PALM2AKAP2: variants seen among roughly 807,000 people sequenced by gnomAD.
PALM2AKAP2 encodes the protein PALM2 and AKAP2 fusion.
Under a neutral mutation model 71.5 loss-of-function variants are expected in PALM2AKAP2, and 37 were observed. The ratio of observed to expected loss-of-function variants is 0.52; its 90% CI spans 0.40 to 0.68. The LOEUF (loss-of-function observed/expected upper bound fraction) is 0.68. PALM2AKAP2 is among the 30% of genes least tolerant of loss of function. The pLI is 0.00. For missense variants in PALM2AKAP2, 1,224 were observed against 1,191.8 expected (o/e 1.03, Z -0.40); for synonymous variants, 468 against 478.8 (o/e 0.98, Z 0.29).
At chr9:109,813,184 A>G (rs912273394) in intron 1 of PALM2AKAP2, among the ~76,000 whole-genome samples, 8 of 152,228 alleles carry the variant, frequency 5.3e-5, no homozygotes, top group Admixed American at 1.3e-4. Context: ...CAGACTATCA[A>G]TGACCTAGAT....
intron 1 of PALM2AKAP2, among the ~76,000 whole-genome samples, chr9:109,716,737 C>T (rs1345714205): frequency 2.0e-5 from 3 of 152,114 alleles, no homozygotes; most frequent in Non-Finnish European, 4.4e-5. Flanking sequence ...AAAACAGAAG[C>T]AATTACAGGA....
intron 1 of PALM2AKAP2, among the ~76,000 whole-genome samples, chr9:109,645,606 G>A (rs1423407377): frequency 6.7e-6 from 1 of 150,254 alleles, no homozygotes; most frequent in Non-Finnish European, 1.5e-5. Flanking sequence ...TTACAGCAAT[G>A]TGGATGGAGC....
At chr9:109,826,834 C>T (rs1828162243) in intron 1 of PALM2AKAP2, among the ~76,000 whole-genome samples, 1 of 152,194 alleles carries the variant, frequency 6.6e-6, no homozygotes, top group Non-Finnish European at 1.5e-5. Flanking sequence ...TGGCCCTTCA[C>T]TTCTTTTGTA....
intron 1 of PALM2AKAP2, among the ~76,000 whole-genome samples, chr9:109,801,793 G>T (rs1827438626): frequency 1.3e-5 from 2 of 152,168 alleles, no homozygotes; most frequent in African/African-American, 4.8e-5. Context: ...TGATGTTAGG[G>T]TTAGTGAATT....
At chr9:110,119,321 G>A (rs1327848391) in intron 1 of PALM2AKAP2, among the ~76,000 whole-genome samples, 1 of 133,934 alleles carries the variant, frequency 7.5e-6, no homozygotes, top group East Asian at 2.1e-4. Context: ...CCAGCCTGGT[G>A]ACAGAGCGAG....
chr9:109,768,330 A>G (rs1829197011), intron 1 of PALM2AKAP2, among the ~76,000 whole-genome samples: 1 of 151,892 alleles, frequency 6.6e-6, no homozygotes, highest in African/African-American at 2.4e-5. Flanking sequence ...AAAAAAAAGT[A>G]TCCCTTTTGC....
intron 1 of PALM2AKAP2, among the ~76,000 whole-genome samples, chr9:109,713,693 A>G (rs1828274896): frequency 6.6e-6 from 1 of 152,216 alleles, no homozygotes; most frequent in Admixed American, 6.5e-5. Flanking sequence ...ACTATGTGAT[A>G]TTCTGGAAAA....
chr9:110,010,171 G>C lies in PALM2AKAP2; in HGVS notation c.497-5783G>C, dbSNP rs114076722. Reference sequence around the variant, plus strand: ...CATAACCTCAGCTACAAGTAGACAGGTCTCAATTTCTCCTATCGCAGGGAA... The same window carrying C: ...CATAACCTCAGCTACAAGTAGACAGCTCTCAATTTCTCCTATCGCAGGGAA... On this transcript the variant is annotated intron_variant, in intron 6 of 9. Coordinates refer to the PALM2AKAP2 transcript ENST00000302798. 3.3e-3 allele frequency among the ~76,000 whole-genome samples: 504 copies of C among 152,228 alleles called. 1 individual carries two copies. The highest frequency in any genetic ancestry group is 0.011 in the African/African-American group (475 of 41,548).
chr9:109,733,342 C>T (rs1235897138), intron 1 of PALM2AKAP2, among the ~76,000 whole-genome samples: 2 of 152,198 alleles, frequency 1.3e-5, no homozygotes. Context: ...TTGCCTCTAT[C>T]TCTGCTACAG....
At chr9:110,071,436 GACTTTGGAAAGCCTGCC>G (rs2118599683) in intron 1 of PALM2AKAP2, among the ~76,000 whole-genome samples, 1 of 152,262 alleles carries the variant, frequency 6.6e-6, no homozygotes, top group African/African-American at 2.4e-5. Flanking sequence ...GATCTTCTCT[GACTTTGGAAAGCCTGCC>G]ACTTACTGAG....
At chr9:109,707,089 A>C (rs1828156636) in intron 1 of PALM2AKAP2, among the ~76,000 whole-genome samples, 1 of 152,228 alleles carries the variant, frequency 6.6e-6, no homozygotes, top group Admixed American at 6.5e-5. Context: ...TCAGCTTATT[A>C]TTCTCCAAGT....
intron 1 of PALM2AKAP2, among the ~76,000 whole-genome samples, chr9:110,094,746 G>A (rs1316988940): frequency 3.3e-5 from 5 of 152,124 alleles, no homozygotes; most frequent in Admixed American, 1.3e-4. Context: ...ATTACAATTC[G>A]ACATGAGATT....
intron 3 of PALM2AKAP2, among the ~76,000 whole-genome samples, chr9:109,893,999 C>CT (rs1216791316): frequency 6.9e-6 from 1 of 144,586 alleles, no homozygotes; most frequent in Non-Finnish European, 1.5e-5. Context: ...AAAAAGTTCA[C>CT]TTTTCTGCTT....
chr9:109,808,070 C>T (rs920476941), intron 1 of PALM2AKAP2, among the ~76,000 whole-genome samples: 6 of 152,138 alleles, frequency 3.9e-5, no homozygotes, highest in Admixed American at 6.6e-5. Flanking sequence ...GTCTCAGGTA[C>T]GTCTTTATTA....
intron 1 of PALM2AKAP2, among the ~76,000 whole-genome samples, chr9:109,774,802 A>G (rs1384395329): frequency 6.6e-6 from 1 of 152,224 alleles, no homozygotes; most frequent in Non-Finnish European, 1.5e-5. Context: ...ATGGCCAATC[A>G]CAAGCCTTTT....
chr9:109,737,947 G>T (rs368993190), intron 1 of PALM2AKAP2, among the ~76,000 whole-genome samples: 58 of 152,228 alleles, frequency 3.8e-4, no homozygotes, highest in Admixed American at 3.9e-4. Context: ...ACACCAACCT[G>T]ACTAGCATGG....
intron 1 of PALM2AKAP2, among the ~76,000 whole-genome samples, chr9:110,070,481 T>C (rs1834177854): frequency 6.6e-6 from 1 of 152,236 alleles, no homozygotes; most frequent in African/African-American, 2.4e-5. Context: ...ATTATTCAAA[T>C]TTTAGAAAAT....
chr9:110,156,050 G>A (rs1836446542), intron 2 of PALM2AKAP2, among the ~76,000 whole-genome samples: 1 of 152,208 alleles, frequency 6.6e-6, no homozygotes, highest in Non-Finnish European at 1.5e-5. Context: ...CTGTCGGTCT[G>A]TCCAACATAT....
chr9:109,718,001 TG>T (rs1343375098), intron 1 of PALM2AKAP2, among the ~76,000 whole-genome samples: 2 of 152,230 alleles, frequency 1.3e-5, no homozygotes, highest in African/African-American at 2.4e-5. Flanking sequence ...GTTTCACTTA[TG>T]TAGGCCTTTT....
Sources: allele counts gnomAD v4.1 joint callset (sites outside exome capture counted in the v4.1 genomes callset), GRCh38; gene constraint gnomAD v4.1.1; transcripts MANE v1.5; gene names NCBI Gene and HGNC (gene_info 2026-07-23, HGNC 2026-07-21).